The following NBEA variants were observed in gnomAD, a reference collection of about 807,000 sequenced individuals.
The protein encoded by NBEA is neurobeachin.
Under a neutral mutation model 343.4 loss-of-function variants are expected in NBEA, and 44 were observed. That is an observed-to-expected ratio of 0.13 (90% CI 0.10 to 0.16). The LOEUF (loss-of-function observed/expected upper bound fraction) is 0.16, where lower values mean the gene tolerates loss of function less well. Ranked by LOEUF, NBEA falls within the 10% of genes least tolerant of loss-of-function variation. The pLI, the probability that NBEA is intolerant of heterozygous loss-of-function variation, is 1.00. For missense variants in NBEA, 2,555 were observed against 3,631.3 expected, an observed-to-expected ratio of 0.70 and a Z score of 7.62; for synonymous variants, 1,175 against 1,238.7, an observed-to-expected ratio of 0.95 and a Z score of 1.08.
Position 35,309,604 on chromosome 13 carries a change from T to C in NBEA, c.5903+12T>C, listed in dbSNP as rs763062240. On this transcript the variant is annotated intron_variant, in intron 36 of 58. Coordinates refer to ENST00000379939, the MANE Select transcript of NBEA (RefSeq NM_001385012.1). ...ATCAATGAAGGAAGGTAATTAATTT[T>C]ACAATTTTAGACAACTAGTCAGTGT... is the stretch of plus-strand genomic sequence containing the variant. 4 of 1,527,992 alleles carry C rather than the reference T, an allele frequency of 2.6e-6. No homozygotes were observed. The South Asian group carries it at 4.8e-5, about 19-fold the overall frequency. The allele number at this position is 1,527,992 out of a possible 1,614,324, so 94.7% of individuals were successfully genotyped here.
intron 38 of NBEA, among the ~76,000 whole-genome samples, chr13:35,374,734 T>C (rs1263795729): frequency 6.6e-6 from 1 of 152,164 alleles, no homozygotes; most frequent in East Asian, 1.9e-4. Flanking sequence ...TATACAGTAT[T>C]ATATTTAATC....
intron 1 of NBEA, among the ~76,000 whole-genome samples, chr13:34,999,314 A>G (rs2061043984): frequency 1.3e-5 from 2 of 152,160 alleles, no homozygotes; most frequent in African/African-American, 2.4e-5. Flanking sequence ...TAGGGTATCC[A>G]TCACCTCAAA....
intron 30 of NBEA, among the ~76,000 whole-genome samples, chr13:35,185,099 A>G (rs1462294015): frequency 2.0e-5 from 3 of 152,098 alleles, no homozygotes; most frequent in Non-Finnish European, 4.4e-5. Flanking sequence ...GAGAAATTTG[A>G]CATGAAGGAG....
chr13:35,298,207 GTGTGTA>G (rs1207077684), intron 35 of NBEA, among the ~76,000 whole-genome samples: 51 of 16,146 alleles, frequency 3.2e-3, no homozygotes, highest in East Asian at 0.012. Flanking sequence ...GTGTGTGTGT[GTGTGTA>G]TATATATATA....
chr13:35,063,494 A>G (rs2063538438), intron 8 of NBEA, among the ~76,000 whole-genome samples: 3 of 152,046 alleles, frequency 2.0e-5, no homozygotes, highest in African/African-American at 4.8e-5. Flanking sequence ...CACAGATTAA[A>G]GAACATTGTG....
chr13:35,618,800 A>G (rs1466071116), intron 48 of NBEA, among the ~76,000 whole-genome samples: 1 of 152,170 alleles, frequency 6.6e-6, no homozygotes, highest in Non-Finnish European at 1.5e-5. Flanking sequence ...TGCTGGGTTC[A>G]TCCATCATAA....
At position 35,384,521 on chromosome 13, in the gene NBEA, CTTTTTTT is replaced by C. The variant is rs938208413; in HGVS notation, c.6179+32214_6179+32220del. Among the ~76,000 whole-genome samples, 7 of 119,046 alleles carry C rather than the reference CTTTTTTT, an allele frequency of 5.9e-5. No individual in the cohort carries two copies. The East Asian group carries it at 1.4e-3, about 24-fold the overall frequency. 78.1% of individuals were successfully genotyped at this position (119,046 alleles called of 152,430 possible). ...ATCAGCATCTAGAACCTTGAATAAT[CTTTTTTT>C]TTTTTTTTTTTTTTTGAGAGGGAGT... On this transcript the variant is annotated intron_variant, in intron 38 of 58. Transcript: ENST00000379939.
In NBEA at chr13:35,672,001, T is replaced by G. The variant is rs2085633644; in HGVS notation, c.*1010T>G. ...TGGTTCTTGAATAGCTTAGTTTCTT[T>G]AATAACAAGTCAAACTTTATTACAA... On this transcript the variant is annotated 3_prime_UTR_variant, in exon 59 of 59. Transcript: ENST00000379939. 1 of 152,524 alleles carries G rather than the reference T, an allele frequency of 6.6e-6. No homozygotes were observed. Among genetic ancestry groups the G allele is most frequent in the Non-Finnish European group, 1.5e-5 (1 of 68,042 alleles). The allele number at this position is 152,524 out of a possible 1,614,324, so 9.4% of individuals were successfully genotyped here.
chr13:35,397,441 C>T (rs1040701052), intron 38 of NBEA, among the ~76,000 whole-genome samples: 9 of 152,262 alleles, frequency 5.9e-5, no homozygotes, highest in East Asian at 1.9e-4. Context: ...ATTCATAATA[C>T]TTAACCTTAT....
At chr13:35,210,008 G>A (rs1294749139) in intron 32 of NBEA, among the ~76,000 whole-genome samples, 1 of 152,054 alleles carries the variant, frequency 6.6e-6, no homozygotes, top group Non-Finnish European at 1.5e-5. Flanking sequence ...AGAAATAGGA[G>A]TAAAACTGTT....
At chr13:35,101,801 A>G (rs1199016424) in intron 11 of NBEA, among the ~76,000 whole-genome samples, 1 of 151,814 alleles carries the variant, frequency 6.6e-6, no homozygotes, top group Non-Finnish European at 1.5e-5. Context: ...GAAATCATAT[A>G]TGTATTTTGG....
At chr13:35,311,342 A>G (rs1432556932) in intron 36 of NBEA, among the ~76,000 whole-genome samples, 1 of 151,394 alleles carries the variant, frequency 6.6e-6, no homozygotes, top group African/African-American at 2.4e-5. Flanking sequence ...TAAAATTATT[A>G]TTATCAGTAA....
intron 34 of NBEA, among the ~76,000 whole-genome samples, chr13:35,276,005 TAAAAA>T (rs201907979): frequency 6.6e-6 from 1 of 151,902 alleles, no homozygotes; most frequent in African/African-American, 2.4e-5. Flanking sequence ...TATAATAATT[TAAAAA>T]AAGAAGAGAT....
intron 1 of NBEA, among the ~76,000 whole-genome samples, chr13:34,975,843 T>A (rs1279946224): frequency 1.3e-5 from 2 of 152,192 alleles, no homozygotes; most frequent in Admixed American, 1.3e-4. Flanking sequence ...TCACTTATTA[T>A]CAGGGAAATG....
intron 1 of NBEA, among the ~76,000 whole-genome samples, chr13:34,991,698 G>T (rs538063389): frequency 6.6e-6 from 1 of 152,048 alleles, no homozygotes; most frequent in Non-Finnish European, 1.5e-5. Flanking sequence ...TTTTAAAGAT[G>T]TACTAAGGAC....
chr13:35,191,700 A>G (rs144485253), intron 30 of NBEA, among the ~76,000 whole-genome samples: 2,927 of 152,122 alleles, frequency 0.019, 37 homozygotes, highest in Middle Eastern at 0.041. Context: ...ACAGTGATTT[A>G]GTTTGCTTAT....
At chr13:34,977,517 C>T (rs1169420900) in intron 1 of NBEA, among the ~76,000 whole-genome samples, 1 of 152,062 alleles carries the variant, frequency 6.6e-6, no homozygotes, top group African/African-American at 2.4e-5. Context: ...CCATGTTGGC[C>T]AGGCTGATCT....
At chr13:35,544,274 T>A (rs1180279011) in intron 41 of NBEA, among the ~76,000 whole-genome samples, 1 of 152,168 alleles carries the variant, frequency 6.6e-6, no homozygotes, top group African/African-American at 2.4e-5. Context: ...GAAACAAAAT[T>A]TAGATTTTTT....
chr13:35,577,383 A>G (rs1307672144), intron 45 of NBEA, among the ~76,000 whole-genome samples: 1 of 152,224 alleles, frequency 6.6e-6, no homozygotes, highest in Non-Finnish European at 1.5e-5. Context: ...AACAGAAAAA[A>G]AGAATATATA....
Sources: allele counts gnomAD v4.1 joint callset (sites outside exome capture counted in the v4.1 genomes callset), GRCh38; gene constraint gnomAD v4.1.1; transcripts MANE v1.5; gene names NCBI Gene and HGNC (gene_info 2026-07-23, HGNC 2026-07-21).